CFAP44: variants seen among roughly 807,000 people sequenced by gnomAD.
CFAP44 encodes cilia and flagella associated protein 44.
In CFAP44, 134 loss-of-function variants were observed where a neutral mutation model predicts 216.2. The ratio of observed to expected loss-of-function variants is 0.62; its 90% CI spans 0.54 to 0.72. The LOEUF is 0.72. CFAP44 is among the 30% of genes least tolerant of loss of function. The pLI is 0.00. For missense variants in CFAP44, 2,035 were observed against 2,182.1 expected, an observed-to-expected ratio of 0.93 and a Z score of 1.34; for synonymous variants, 700 against 727.6, an observed-to-expected ratio of 0.96 and a Z score of 0.61.
At chr3:113,339,701 T>C (rs1950312983) in intron 24 of CFAP44, among the ~76,000 whole-genome samples, 1 of 152,072 alleles carries the variant, frequency 6.6e-6, no homozygotes, top group Non-Finnish European at 1.5e-5. Flanking sequence ...GGAATCGAGG[T>C]TGGGACTGAA....
chr3:113,311,668 A>C (rs550543381), intron 28 of CFAP44, among the ~76,000 whole-genome samples: 1 of 152,186 alleles, frequency 6.6e-6, no homozygotes, highest in Admixed American at 6.5e-5. Flanking sequence ...CAGATATCCA[A>C]AAATATGGAA....
At chr3:113,340,109 C>A (rs1026387647) in intron 24 of CFAP44, among the ~76,000 whole-genome samples, 2 of 152,180 alleles carry the variant, frequency 1.3e-5, no homozygotes, top group African/African-American at 4.8e-5. Flanking sequence ...CGACCCTTGC[C>A]TGCTGCGGGC....
At chr3:113,386,564 A>G (rs978218706) in intron 15 of CFAP44, among the ~76,000 whole-genome samples, 1 of 152,210 alleles carries the variant, frequency 6.6e-6, no homozygotes, top group Non-Finnish European at 1.5e-5. Context: ...TTGTACAATC[A>G]ATAAGTCTTC....
intron 17 of CFAP44, among the ~76,000 whole-genome samples, chr3:113,376,820 G>A (rs1933358954): frequency 6.6e-6 from 1 of 152,154 alleles, no homozygotes; most frequent in Admixed American, 6.5e-5. Flanking sequence ...ATAAAATTAA[G>A]ATTAGTACTA....
intron 5 of CFAP44, among the ~76,000 whole-genome samples, chr3:113,418,030 T>C (rs938108701): frequency 6.6e-6 from 1 of 151,818 alleles, no homozygotes; most frequent in Non-Finnish European, 1.5e-5. Flanking sequence ...TTGGGAGTTT[T>C]ATTTATTTAA....
intron 17 of CFAP44, among the ~76,000 whole-genome samples, chr3:113,375,563 C>T (rs983719171): frequency 1.3e-5 from 2 of 152,112 alleles, no homozygotes; most frequent in African/African-American, 2.4e-5. Flanking sequence ...AGGCCAGAAG[C>T]AACACTGTGG....
In CFAP44 at chr3:113,344,503, T is replaced by A; in HGVS notation, c.3262+13A>T. 1 of 1,532,010 alleles carries A rather than the reference T, an allele frequency of 6.5e-7. No homozygotes were observed. The allele number at this position is 1,532,010 out of a possible 1,614,324, so 94.9% of individuals were successfully genotyped here. On this transcript the variant is annotated intron_variant, in intron 23 of 34. Coordinates refer to ENST00000393845, the MANE Select transcript of CFAP44 (RefSeq NM_001164496.2). ...GTAAATAAGAATTTAAAAGCCTTCT[T>A]GTCATAGGCTACCTGCATCTCTCTG...
chr3:113,407,782 A>T (rs897415413), intron 7 of CFAP44, among the ~76,000 whole-genome samples: 2 of 152,242 alleles, frequency 1.3e-5, no homozygotes, highest in African/African-American at 2.4e-5. Flanking sequence ...TAAAATAGAT[A>T]ATGGAGAGTA....
At chr3:113,391,197 C>A (rs1236794320) in intron 15 of CFAP44, among the ~76,000 whole-genome samples, 1 of 152,058 alleles carries the variant, frequency 6.6e-6, no homozygotes, top group Non-Finnish European at 1.5e-5. Flanking sequence ...CATACATCTA[C>A]GATGAGCTCA....
In CFAP44 at chr3:113,366,461, A is replaced by G. The variant is rs1932938948; in HGVS notation, c.2445-152T>C. 4.8e-6 allele frequency: 4 copies of G among 838,098 alleles called. 1 individual carries two copies. Among genetic ancestry groups the G allele is most frequent in the Non-Finnish European group, 7.2e-6 (4 of 551,974 alleles). 51.9% of individuals were successfully genotyped at this position (838,098 alleles called of 1,614,324 possible). A position where few individuals can be genotyped will look rare whatever the true frequency, so the allele number is the denominator to read the frequency against. On this transcript the variant is annotated intron_variant, in intron 18 of 34. Transcript: ENST00000393845. ...TCCTATATTGAAGCCCTAACCCCTAATACTTCAGAATGTAACTGCATTGTG... is the reference window on the plus strand; with the variant it reads ...TCCTATATTGAAGCCCTAACCCCTAGTACTTCAGAATGTAACTGCATTGTG...
At chr3:113,306,440 A>C (rs1949986342) in intron 29 of CFAP44, 109 bp from the exon 30 acceptor site, 17 of 1,339,204 alleles carry the variant, frequency 1.3e-5, no homozygotes, top group Non-Finnish European at 1.3e-5. Flanking sequence ...TTATGGATCC[A>C]CTCTAGCCAG....
intron 5 of CFAP44, among the ~76,000 whole-genome samples, chr3:113,419,270 A>G (rs1934741299): frequency 6.6e-6 from 1 of 152,034 alleles, no homozygotes; most frequent in Non-Finnish European, 1.5e-5. Flanking sequence ...TTATTGCCAC[A>G]TTATCATGTA....
At chr3:113,398,346 G>A (rs1334467695) in intron 13 of CFAP44, among the ~76,000 whole-genome samples, 2 of 152,170 alleles carry the variant, frequency 1.3e-5, no homozygotes, top group East Asian at 3.9e-4. Flanking sequence ...GGAGGGCTAT[G>A]CAGAGATGAT....
At chr3:113,397,735 G>A (rs1174592592) in intron 13 of CFAP44, among the ~76,000 whole-genome samples, 1 of 152,130 alleles carries the variant, frequency 6.6e-6, no homozygotes, top group Non-Finnish European at 1.5e-5. Context: ...GCAGAGGGAG[G>A]AGTCAAGGAT....
chr3:113,391,402 T>C (rs1174476356), intron 15 of CFAP44, among the ~76,000 whole-genome samples: 1 of 152,054 alleles, frequency 6.6e-6, no homozygotes, highest in Non-Finnish European at 1.5e-5. Flanking sequence ...AAAGAAAACA[T>C]TGGGGAAACT....
chr3:113,338,535 C>T (rs1950302221), intron 24 of CFAP44, among the ~76,000 whole-genome samples: 3 of 151,354 alleles, frequency 2.0e-5, no homozygotes. Flanking sequence ...TCACGTGAAA[C>T]TACCTCATAC....
At chr3:113,404,184 C>G in intron 8 of CFAP44, 168 bp from the exon 9 acceptor site, 2 of 702,994 alleles carry the variant, frequency 2.8e-6, no homozygotes. Context: ...ACCCCAGACA[C>G]AACTACCAAT....
At chr3:113,329,270 G>A (rs1228985446) in intron 26 of CFAP44, among the ~76,000 whole-genome samples, 1 of 152,204 alleles carries the variant, frequency 6.6e-6, no homozygotes, top group Non-Finnish European at 1.5e-5. Context: ...GGCGGAAAAT[G>A]CTGGAGAGGG....
intron 28 of CFAP44, among the ~76,000 whole-genome samples, chr3:113,324,271 T>C (rs1950171118): frequency 6.6e-6 from 1 of 152,072 alleles, no homozygotes; most frequent in African/African-American, 2.4e-5. Flanking sequence ...AGAAGCTAGT[T>C]TTTATTACCC....
Sources: gnomAD v4.1 joint callset for allele counts (sites outside exome capture counted in the v4.1 genomes callset) on GRCh38, gnomAD v4.1.1 for gene constraint, MANE v1.5 for transcripts, NCBI Gene and HGNC (gene_info 2026-07-23, HGNC 2026-07-21) for gene names.